The following ELOVL2 variants were observed in gnomAD, a reference collection of about 807,000 sequenced individuals.
ELOVL2 encodes the protein very long chain fatty acid elongase 2.
In ELOVL2, 38 loss-of-function variants were observed where a neutral mutation model predicts 37.7. The observed-to-expected ratio is 1.01, with a 90% CI of 0.78 to 1.32. The LOEUF (loss-of-function observed/expected upper bound fraction) is 1.32. Ranked by LOEUF, ELOVL2 falls within the 40% of genes most tolerant of loss-of-function variation. The probability of loss-of-function intolerance (pLI) is 0.00; values close to 1 mark genes in which losing one functional copy is unlikely to be tolerated. For missense variants in ELOVL2, 352 were observed against 363.6 expected (o/e 0.97, Z 0.26); for synonymous variants, 115 against 122.3 (o/e 0.94, Z 0.40).
At chr6:11,042,521 G>A (rs1228930606) in intron 1 of ELOVL2, among the ~76,000 whole-genome samples, 3 of 151,898 alleles carry the variant, frequency 2.0e-5, no homozygotes, top group African/African-American at 7.3e-5. Flanking sequence ...AGATTTCCTT[G>A]GACTTATTCC....
intron 1 of ELOVL2, among the ~76,000 whole-genome samples, chr6:11,012,330 A>G (rs1343834566): frequency 2.0e-5 from 3 of 152,206 alleles, no homozygotes; most frequent in African/African-American, 4.8e-5. Flanking sequence ...GTTTCCATGT[A>G]GGGCATCTCG....
At chr6:10,990,224 T>A (rs1454658274) in intron 6 of ELOVL2, 94 bp downstream of exon 6, 6 of 1,505,696 alleles carry the variant, frequency 4.0e-6, no homozygotes, top group Non-Finnish European at 4.5e-6. Flanking sequence ...GGCAGCCTCA[T>A]CACACATAAA....
intron 3 of ELOVL2, among the ~76,000 whole-genome samples, chr6:11,002,679 G>A (rs572114029): frequency 2.0e-5 from 3 of 152,304 alleles, no homozygotes; most frequent in Admixed American, 6.5e-5. Flanking sequence ...CATTTACCTC[G>A]TTGTTCAACA....
chr6:11,043,192 G>A (rs1034203725), intron 1 of ELOVL2, among the ~76,000 whole-genome samples: 5 of 152,090 alleles, frequency 3.3e-5, no homozygotes, highest in African/African-American at 1.2e-4. Context: ...GAAAGGAAGT[G>A]CGCTTATTTT....
intron 1 of ELOVL2, among the ~76,000 whole-genome samples, chr6:11,019,389 T>TA (rs927363711): frequency 1.3e-4 from 20 of 152,040 alleles, no homozygotes; most frequent in African/African-American, 4.3e-4. Flanking sequence ...ATAAACTAGG[T>TA]AAAAAAAGAA....
Position 10,999,228 on chromosome 6 carries a change from G to A in ELOVL2, c.333+859C>T, listed in dbSNP as rs528665281. On this transcript the variant is annotated intron_variant, in intron 4 of 7. Coordinates refer to ENST00000354666, the MANE Select transcript of ELOVL2 (RefSeq NM_017770.4). The stretch of plus-strand genomic sequence containing the variant: ...AGTTTGTTTCCAACTTTTAGGGGGC[G>A]GCTGCCTTGCTTTCTTTTTAAATTT... Among the ~76,000 whole-genome samples the A allele has an allele frequency of 2.0e-5, 3 of 152,166 alleles. No individual in the cohort carries two copies. The East Asian group carries it at 5.8e-4, about 29-fold the overall frequency.
At chr6:11,041,398 T>G (rs1402815373) in intron 1 of ELOVL2, among the ~76,000 whole-genome samples, 1 of 152,220 alleles carries the variant, frequency 6.6e-6, no homozygotes, top group Non-Finnish European at 1.5e-5. Flanking sequence ...ATGGAACCCT[T>G]GTTGAAGAAC....
At chr6:11,001,762 C>G (rs1379171727) in intron 3 of ELOVL2, among the ~76,000 whole-genome samples, 3 of 152,192 alleles carry the variant, frequency 2.0e-5, no homozygotes, top group Non-Finnish European at 4.4e-5. Context: ...GAGGCTCTGT[C>G]TCTCCCTGGA....
rs138447548 is a variant in ELOVL2 at position 10,983,755 on chromosome 6, A to G, written c.*26T>C. ...AAACAAGCCAATCTGTTAGGCTAGT[A>G]TATGTGCTTTTTCTGTTACTCATTT... On this transcript the variant is annotated 3_prime_UTR_variant, in exon 8 of 8. Transcript: ENST00000354666. 230 of 1,592,538 alleles carry G rather than the reference A, an allele frequency of 1.4e-4. No individual in the cohort carries two copies. In the African/African-American group the frequency reaches 2.3e-3, roughly 16 times the overall value.
intron 2 of ELOVL2, among the ~76,000 whole-genome samples, chr6:11,005,766 T>C (rs1581868825): frequency 6.6e-6 from 1 of 152,198 alleles, no homozygotes; most frequent in African/African-American, 2.4e-5. Context: ...AAACAGGGCT[T>C]AGGCTGAACA....
At chr6:11,002,803 CT>C (rs1263111177) in intron 3 of ELOVL2, among the ~76,000 whole-genome samples, 2 of 152,206 alleles carry the variant, frequency 1.3e-5, no homozygotes, top group South Asian at 2.1e-4. Context: ...TCCATAGGCT[CT>C]TCAAGTGTAG....
chr6:11,003,391 G>A (rs1782424663), intron 3 of ELOVL2, among the ~76,000 whole-genome samples: 2 of 152,168 alleles, frequency 1.3e-5, no homozygotes, highest in African/African-American at 4.8e-5. Flanking sequence ...ACTTATAAGT[G>A]AGAACATGTG....
chr6:11,006,356 A>G (rs568295664), intron 2 of ELOVL2, among the ~76,000 whole-genome samples: 2 of 152,334 alleles, frequency 1.3e-5, no homozygotes, highest in South Asian at 2.1e-4. Context: ...TGAAACCCAC[A>G]TGATAGAGCT....
In ELOVL2 at chr6:11,023,916, T is replaced by C. The variant is rs373846185; in HGVS notation, c.4-13107A>G. Among the ~76,000 whole-genome samples the C allele has an allele frequency of 4.7e-4, 71 of 152,364 alleles. No homozygotes were observed. In the South Asian group the frequency reaches 0.014, roughly 31 times the overall value. On this transcript the variant is annotated intron_variant, in intron 1 of 7. Transcript: ENST00000354666. ...TTGGTGAAACACTATACTTGGCCTC[T>C]ATGATGGTTAGAGTATTACAAACTA...
At chr6:11,001,152 GTTAA>G (rs927968123) in intron 3 of ELOVL2, among the ~76,000 whole-genome samples, 29 of 152,192 alleles carry the variant, frequency 1.9e-4, no homozygotes, top group South Asian at 4.1e-4. Context: ...GGGTTTGGAT[GTTAA>G]TTAATTGTTA....
chr6:11,030,285 T>C (rs926546323), intron 1 of ELOVL2, among the ~76,000 whole-genome samples: 7 of 152,066 alleles, frequency 4.6e-5, no homozygotes, highest in Non-Finnish European at 8.8e-5. Flanking sequence ...AAGAAAACAA[T>C]AGAAGGCCCT....
intron 1 of ELOVL2, among the ~76,000 whole-genome samples, chr6:11,036,131 T>C (rs1456080678): frequency 6.6e-6 from 1 of 152,206 alleles, no homozygotes; most frequent in East Asian, 1.9e-4. Flanking sequence ...ATGAGATTAG[T>C]GTTACGAAAG....
At chr6:10,990,173 A>C (rs1038020846) in intron 6 of ELOVL2, 145 bp downstream of exon 6, 1 of 968,470 alleles carries the variant, frequency 1.0e-6, no homozygotes, top group African/African-American at 1.7e-5. Flanking sequence ...TTTCAACACA[A>C]AAAGTTTAAT....
At position 11,008,006 on chromosome 6, in the gene ELOVL2, G is replaced by A. The variant is rs549063644; in HGVS notation, c.68-2447C>T. 2.0e-5 allele frequency among the ~76,000 whole-genome samples: 3 copies of A among 152,264 alleles called. No homozygotes were observed. In the South Asian group the frequency reaches 6.2e-4, roughly 32 times the overall value. ...AAACTTTCTTATCTTTGGGACTTGAGAAGTGTTAGCTCTTCCTCTGAGTCA... is the reference window on the plus strand; with the variant it reads ...AAACTTTCTTATCTTTGGGACTTGAAAAGTGTTAGCTCTTCCTCTGAGTCA... On this transcript the variant is annotated intron_variant, in intron 2 of 7. Transcript: ENST00000354666.
Sources: allele counts gnomAD v4.1 joint callset (sites outside exome capture counted in the v4.1 genomes callset), GRCh38; gene constraint gnomAD v4.1.1; transcripts MANE v1.5; gene names NCBI Gene and HGNC (gene_info 2026-07-23, HGNC 2026-07-21).